The following AKAP9 variants were observed in gnomAD, a reference collection of about 807,000 sequenced individuals.
AKAP9 encodes A-kinase anchor protein 9.
In AKAP9, 311 loss-of-function variants were observed where a neutral mutation model predicts 488.5. The observed-to-expected ratio is 0.64, with a 90% CI of 0.58 to 0.70. The LOEUF (loss-of-function observed/expected upper bound fraction) is 0.70, where lower values mean the gene tolerates loss of function less well. Ranked by LOEUF, AKAP9 falls within the 30% of genes least tolerant of loss-of-function variation. AKAP9 has a pLI of 0.00. For synonymous variants in AKAP9, 1,462 were observed against 1,483.5 expected (o/e 0.99, Z 0.33); for missense variants, 4,215 against 4,374.5 (o/e 0.96, Z 1.03).
intron 5 of AKAP9, 141 bp downstream of exon 5, chr7:91,993,196 T>TC: frequency 1.2e-6 from 1 of 839,362 alleles, no homozygotes; most frequent in South Asian, 1.8e-5. Context: ...TTCTTCTTCT[T>TC]TTTTTTTTTC....
chr7:91,966,968 T>A (rs1362322691), intron 1 of AKAP9, among the ~76,000 whole-genome samples: 1 of 152,220 alleles, frequency 6.6e-6, no homozygotes, highest in Non-Finnish European at 1.5e-5. Context: ...TTTCTTTCCA[T>A]TTTTAATGTC....
intron 10 of AKAP9, among the ~76,000 whole-genome samples, chr7:92,014,665 G>A (rs1260873351): frequency 6.6e-6 from 1 of 151,946 alleles, no homozygotes; most frequent in Non-Finnish European, 1.5e-5. Flanking sequence ...ATAAATAAAA[G>A]GTACTTTTAC....
chr7:91,973,655 G>A (rs1795340588), intron 1 of AKAP9, 56 bp from the exon 2 acceptor site: 1 of 1,568,480 alleles, frequency 6.4e-7, no homozygotes, highest in Non-Finnish European at 8.7e-7. Flanking sequence ...CTTTTTTCTT[G>A]GTGGCAATAA....
At chr7:91,969,347 G>A (rs147966672) in intron 1 of AKAP9, among the ~76,000 whole-genome samples, 1 of 152,242 alleles carries the variant, frequency 6.6e-6, no homozygotes, top group African/African-American at 2.4e-5. Context: ...GGTCTATTCT[G>A]GAGAATGCTC....
chr7:92,025,503 C>T (rs1802971120), intron 14 of AKAP9, among the ~76,000 whole-genome samples: 1 of 152,166 alleles, frequency 6.6e-6, no homozygotes, highest in African/African-American at 2.4e-5. Flanking sequence ...ATGACTGTAA[C>T]ACATTTTGAA....
intron 16 of AKAP9, among the ~76,000 whole-genome samples, chr7:92,036,233 G>A (rs554222668): frequency 5.3e-5 from 8 of 151,796 alleles, no homozygotes; most frequent in South Asian, 2.1e-4. Context: ...TTGTTCCCTC[G>A]TAGGTAATAC....
chr7:92,016,357 C>A, intron 11 of AKAP9, 90 bp downstream of exon 11: 3 of 944,076 alleles, frequency 3.2e-6, no homozygotes, highest in Non-Finnish European at 4.7e-6. Flanking sequence ...GATTTAATCA[C>A]CCAGCCAAGT....
At chr7:92,015,680 T>G (rs1801420672) in intron 10 of AKAP9, among the ~76,000 whole-genome samples, 1 of 152,098 alleles carries the variant, frequency 6.6e-6, no homozygotes, top group African/African-American at 2.4e-5. Flanking sequence ...GTTATGAATG[T>G]TAAGTATATG....
rs927632721 is a variant in AKAP9 at position 92,001,606 on chromosome 7, G to A, written c.1689G>A (p.Lys563=). The change falls in exon 8 of 50, where the codon AAG becomes AAA. Residue 563 remains lysine (K), a synonymous_variant. Coordinates refer to ENST00000356239, the MANE Select transcript of AKAP9 (RefSeq NM_005751.5). The stretch of plus-strand genomic sequence containing the variant: ...AAAGTAAACTTAATGAAGCACATAA[G>A]TCCCTTAGTACAGTGGAAGATTTGA... ...EQESKLNEAH[K]SLSTVEDLKA... The A allele has an allele frequency of 5.6e-6, 9 of 1,613,826 alleles. No individual in the cohort carries two copies. Among genetic ancestry groups the A allele is most frequent in the Non-Finnish European group, 7.6e-6 (9 of 1,179,804 alleles).
In AKAP9 at chr7:92,105,799, ACT is replaced by A. The variant is rs1376755463; in HGVS notation, c.11416+41_11416+42del. ...AATAGCATATTTTCTTATGTTTATG[ACT>A]CTCTAAATCAGAGGTCCCCCACCCC... On this transcript the variant is annotated intron_variant, in intron 47 of 49. Coordinates refer to ENST00000356239, the MANE Select transcript of AKAP9 (RefSeq NM_005751.5). The A allele has an allele frequency of 3.8e-6, 6 of 1,565,076 alleles. No individual in the cohort carries two copies. In the Admixed American group the frequency reaches 6.7e-5, roughly 17 times the overall value.
At chr7:91,996,810 G>T (rs1798460724) in intron 7 of AKAP9, among the ~76,000 whole-genome samples, 1 of 152,108 alleles carries the variant, frequency 6.6e-6, no homozygotes, top group Admixed American at 6.6e-5. Context: ...CAAGAATATT[G>T]CTTGGATGAT....
chr7:92,024,455 T>TATA (rs1281481265), intron 14 of AKAP9, among the ~76,000 whole-genome samples: 77 of 134,386 alleles, frequency 5.7e-4, no homozygotes, highest in Non-Finnish European at 8.3e-5. Context: ...ATATATATAT[T>TATA]ATATATATAA....
At chr7:91,988,482 G>A (rs1797377200) in intron 3 of AKAP9, among the ~76,000 whole-genome samples, 1 of 151,788 alleles carries the variant, frequency 6.6e-6, no homozygotes, top group African/African-American at 2.4e-5. Context: ...AAAAGAGAAA[G>A]AGAGAGAGAG....
intron 26 of AKAP9, among the ~76,000 whole-genome samples, chr7:92,067,980 A>G (rs528603599): frequency 6.6e-6 from 1 of 152,272 alleles, no homozygotes; most frequent in East Asian, 1.9e-4. Context: ...AGTGGATTTC[A>G]TTTCTCTTAA....
Position 92,100,866 on chromosome 7 carries a change from T to A in AKAP9, c.10907T>A (p.Phe3636Tyr). The A allele has an allele frequency of 6.2e-7, 1 of 1,614,140 alleles. No homozygotes were observed. The highest frequency in any genetic ancestry group is 8.5e-7 in the Non-Finnish European group (1 of 1,180,018). The change falls in exon 45 of 50, where the codon TTT becomes TAT. Residue 3636 changes from phenylalanine to tyrosine, a missense_variant. By Grantham distance (22) the Phe-to-Tyr change is conservative. This residue lies in a region of AKAP9 where 74 missense variants were observed against 113.0 expected (regional missense o/e 0.65). Coordinates refer to ENST00000356239, the MANE Select transcript of AKAP9 (RefSeq NM_005751.5). ...TGAGRDNSSR[F>Y]SLNGGANIEA... The stretch of plus-strand genomic sequence containing the variant: ...CTGTGGTCTTTGCAGTCTTCCAGGT[T>A]TTCATTGAATGGTGGTGCCAACATT...
chr7:92,008,237 C>T (rs916293690), intron 8 of AKAP9, among the ~76,000 whole-genome samples: 6 of 151,976 alleles, frequency 3.9e-5, no homozygotes, highest in East Asian at 1.9e-4. Flanking sequence ...CATGGGGGCG[C>T]GTGCCTGTAA....
In AKAP9 at chr7:92,097,678, A is replaced by G; in HGVS notation, c.10491A>G (p.Lys3497=). 6.2e-7 allele frequency: 1 copy of G among 1,614,120 alleles called. No homozygotes were observed. The highest frequency in any genetic ancestry group is 8.5e-7 in the Non-Finnish European group (1 of 1,179,922). The change falls in exon 42 of 50, where the codon AAA becomes AAG. Residue 3497 remains lysine (K), a synonymous_variant. Transcript: ENST00000356239. ...AAACAAAAGAATCAAACTACGCTAA[A>G]TTGATTGAAATGAATGGAGGAGGAA... ...EGETKESNYA[K]LIEMNGGGTG...
Position 92,045,134 on chromosome 7 carries a change from C to A in AKAP9, c.5289C>A (p.Ser1763Arg), listed in dbSNP as rs1302851872. Residue 1763 changes from serine (S) to arginine (R), a missense_variant, in exon 21 of 50, where the codon AGC (serine) becomes AGA (arginine). Physicochemically the swap from Ser to Arg is moderately radical, Grantham distance 110 (BLOSUM62 -1). This residue lies in a region of AKAP9 where 2,361 missense variants were observed against 2,430.0 expected (regional missense o/e 0.97). Transcript: ENST00000356239. ...GGATTCTAGATAGATCTAGTAAAAG[C>A]CAGTCATCTGCCAGCCTAATTTGGA... ...VLGILDRSSK[S>R]QSSASLIWRS... The A allele has an allele frequency of 6.2e-7, 1 of 1,613,536 alleles. No individual in the cohort carries two copies. The highest frequency in any genetic ancestry group is 1.7e-5 in the Admixed American group (1 of 59,900).
At chr7:92,012,289 G>A (rs1161064595) in intron 8 of AKAP9, 140 bp from the exon 9 acceptor site, 1 of 704,218 alleles carries the variant, frequency 1.4e-6, no homozygotes, top group Non-Finnish European at 2.4e-6. Context: ...CAATGCAACA[G>A]CACGAAGATA....
Sources: allele counts gnomAD v4.1 joint callset (sites outside exome capture counted in the v4.1 genomes callset), GRCh38; gene constraint gnomAD v4.1.1; regional missense constraint gnomAD v4.1.1; transcripts MANE v1.5; gene names NCBI Gene and HGNC (gene_info 2026-07-23, HGNC 2026-07-21).